The following IFNA4 variants were observed in gnomAD, a reference collection of about 807,000 sequenced individuals.
IFNA4 encodes interferon alpha 4, also known as interferon alpha-4.
For synonymous variants in IFNA4, 84 were observed against 86.0 expected (o/e 0.98, Z 0.13); for missense variants, 225 against 214.9 (o/e 1.05, Z -0.29).
At chr9:21,187,579 A>G (rs535796529) in exon 1 of IFNA4, 99 of 1,549,610 alleles carry the variant, frequency 6.4e-5, no homozygotes, top group Non-Finnish European at 8.3e-5. Context: ...ATAACCTTGA[A>G]CTTCGGCCTC....
rs1062575 is a variant in IFNA4, at chr9:21,187,068, G to A, written c.464C>T (p.Thr155Ile). 2.5e-5 allele frequency: 40 copies of A among 1,614,018 alleles called. 1 individual carries two copies. The highest frequency in any genetic ancestry group is 3.3e-4 in the Middle Eastern group (2 of 6,060). Residue 155 changes from threonine to isoleucine, a missense_variant, in exon 1 of 1, where the codon ACA becomes ATA. Coordinates refer to ENST00000421715, the Ensembl canonical transcript of IFNA4. ...GGCACAAGGGCTGTATTTCTTCTCTGTTAGATAAAGAGTGATTCTTTGGAA... is the reference window on the plus strand; with the variant it reads ...GGCACAAGGGCTGTATTTCTTCTCTATTAGATAAAGAGTGATTCTTTGGAA...
chr9:21,187,174 C>A, the IFNA4 span: 3 of 1,613,532 alleles, frequency 1.9e-6, no homozygotes, highest in Non-Finnish European at 2.5e-6. Context: ...ACACATGCTT[C>A]CAGGTCATTC....
chr9:21,187,004 C>T (rs780149486), exon 1 of IFNA4: 17 of 1,587,542 alleles, frequency 1.1e-5, no homozygotes, highest in Admixed American at 1.8e-5. Context: ...TTGTTGAAAA[C>T]GAGAGGGATC....
exon 1 of IFNA4, chr9:21,187,378 A>C: frequency 6.2e-7 from 1 of 1,614,214 alleles, no homozygotes; most frequent in African/African-American, 1.3e-5. Context: ...TCCTTCAGGC[A>C]GGAGAAATGA....
At position 21,186,864 on chromosome 9, in the gene IFNA4, G is replaced by A. The variant is rs918712706; in HGVS notation, c.*98C>T. 2.3e-5 allele frequency: 36 copies of A among 1,569,638 alleles called. No homozygotes were observed. In the South Asian group the frequency reaches 3.3e-4, roughly 15 times the overall value. On this transcript the variant is annotated 3_prime_UTR_variant, in exon 1 of 1. Coordinates refer to ENST00000421715, the Ensembl canonical transcript of IFNA4. ...ACATTTGAAAATTTTGATTCAACTC[G>A]TGGTGGTTATAGAAGTGAGTCTTTG...
At chr9:21,186,931 A>G in exon 1 of IFNA4, 1 of 1,612,636 alleles carries the variant, frequency 6.2e-7, no homozygotes, top group Non-Finnish European at 8.5e-7. Flanking sequence ...TGTATTAGTC[A>G]ATCAGGATCA....
At chr9:21,187,189 G>A in the IFNA4 span, 1 of 1,613,294 alleles carries the variant, frequency 6.2e-7, no homozygotes, top group Non-Finnish European at 8.5e-7. Context: ...TCATTCAGTT[G>A]CTGGTAAAGT....
exon 1 of IFNA4, chr9:21,186,805 C>G (rs1587898370): frequency 8.8e-7 from 1 of 1,135,038 alleles, no homozygotes. Context: ...AGTGCCTGCA[C>G]AGGTATACAC....
exon 1 of IFNA4, chr9:21,186,816 C>T: frequency 2.2e-6 from 3 of 1,345,988 alleles, no homozygotes; most frequent in Non-Finnish European, 3.1e-6. Context: ...AGGTATACAC[C>T]AAGCTTCTTC....
chr9:21,186,964 A>T (rs1394877145), exon 1 of IFNA4: 1 of 1,613,852 alleles, frequency 6.2e-7, no homozygotes, highest in Non-Finnish European at 8.5e-7. Context: ...ACCAGGTTTC[A>T]ATCCTTCCTC....
exon 1 of IFNA4, chr9:21,187,410 A>G: frequency 6.2e-7 from 1 of 1,614,154 alleles, no homozygotes; most frequent in South Asian, 1.1e-5. Flanking sequence ...CATTTGTGCC[A>G]GGAGTATCAA....
exon 1 of IFNA4, chr9:21,187,059 T>G: frequency 6.2e-7 from 1 of 1,614,174 alleles, no homozygotes; most frequent in Non-Finnish European, 8.5e-7. Context: ...AGGGCTGTAT[T>G]TCTTCTCTGT....
In IFNA4 at chr9:21,187,508, C is replaced by A. The variant is rs1062562; in HGVS notation, c.24G>T (p.Leu8=). ...TGTAGCTGAGCACCAGCACGGCCATCAGTAAAGAAAAGGACAGGGCCATTG... is the reference window on the plus strand; with the variant it reads ...TGTAGCTGAGCACCAGCACGGCCATAAGTAAAGAAAAGGACAGGGCCATTG... Residue 8 remains leucine (L), a synonymous_variant, in exon 1 of 1, where the codon CTG becomes CTT. Transcript: ENST00000421715. 3,846 of 1,610,468 alleles carry A rather than the reference C, an allele frequency of 2.4e-3. 10 individuals are homozygous for A. The highest frequency in any genetic ancestry group is 9.0e-3 in the African/African-American group (676 of 74,744).
At chr9:21,187,381 A>T (rs760530882) in exon 1 of IFNA4, 1 of 1,614,178 alleles carries the variant, frequency 6.2e-7, no homozygotes. Context: ...TTCAGGCAGG[A>T]GAAATGAGAG....
Position 21,187,312 on chromosome 9 carries a change from C to T in IFNA4, c.220G>A (p.Ala74Thr), listed in dbSNP as rs1062571. ...TCATGGAGGACAGAGATGGCTTGAG[C>T]CTTCTGGAACTGGTGGCCATCAAAC... Residue 74 changes from alanine (A) to threonine (T), a missense_variant, in exon 1 of 1, where the codon GCT becomes ACT. Physicochemically the swap from Ala to Thr is moderately conservative, Grantham distance 58. Coordinates refer to ENST00000421715, the Ensembl canonical transcript of IFNA4. 944,406 of 1,612,590 alleles carry T rather than the reference C, an allele frequency of 0.59. 280,134 individuals carry two copies. The highest frequency in any genetic ancestry group is 0.86 in the East Asian group (38,557 of 44,824).
At chr9:21,187,079 A>T in exon 1 of IFNA4, 1 of 1,614,142 alleles carries the variant, frequency 6.2e-7, no homozygotes, top group South Asian at 1.1e-5. Context: ...TTAGATAAAG[A>T]GTGATTCTTT....
At chr9:21,186,940 C>T in exon 1 of IFNA4, 1 of 1,613,298 alleles carries the variant, frequency 6.2e-7, no homozygotes, top group South Asian at 1.1e-5. Context: ...CAATCAGGAT[C>T]ATTTCCATGT....
At chr9:21,187,346 G>C (rs146775591) in exon 1 of IFNA4, 11 of 1,614,012 alleles carry the variant, frequency 6.8e-6, no homozygotes, top group Non-Finnish European at 9.3e-6. Flanking sequence ...ACTCCTCCTC[G>C]GGGAATCCGA....
chr9:21,187,565 A>G (rs1817929394), exon 1 of IFNA4: 2 of 1,578,020 alleles, frequency 1.3e-6, no homozygotes, highest in African/African-American at 2.7e-5. Context: ...GCTACTTGAG[A>G]TGGATAACCT....
Sources: allele counts gnomAD v4.1 joint callset, GRCh38; gene constraint gnomAD v4.1.1; transcripts MANE v1.5; gene names NCBI Gene and HGNC (gene_info 2026-07-23, HGNC 2026-07-21).